The following GVQW3 variants were observed in gnomAD, a reference collection of about 807,000 sequenced individuals.
GVQW3 encodes the protein GVQW motif containing 3, also known as protein GVQW3.
GVQW3 carries 7 observed loss-of-function variants against 12.5 expected under a neutral mutation model. The observed-to-expected ratio is 0.56, with a 90% CI of 0.32 to 1.05. GVQW3 has a LOEUF of 1.05. Among genes scored for constraint, GVQW3 ranks in the 50% least tolerant of loss-of-function variants. GVQW3 has a pLI of 0.04. For missense variants in GVQW3, 188 were observed against 190.8 expected, an observed-to-expected ratio of 0.99 and a Z score of 0.09; for synonymous variants, 71 against 67.2, an observed-to-expected ratio of 1.06 and a Z score of -0.28.
Position 76,403,736 on chromosome 11 carries a change from A to C in GVQW3, c.542A>C (p.Lys181Thr), listed in dbSNP as rs1947012330. The change falls in exon 2 of 2, where the codon AAA becomes ACA. Residue 181 changes from lysine to threonine, a missense_variant. Coordinates refer to ENST00000529331, the MANE Select transcript of GVQW3 (RefSeq NM_001347885.2). Reference protein sequence around the residue: ...SQGILPPWPPKALGLSA With the variant: ...SQGILPPWPPTALGLSA ...GGGATCCTCCCACCTTGGCCTCCCA[A>C]AGCTCTGGGATTATCAGCATGAGCC... The C allele has an allele frequency of 4.0e-6, 2 of 495,124 alleles. No homozygotes were observed. The highest frequency in any genetic ancestry group is 7.3e-6 in the Non-Finnish European group (2 of 274,274). 30.7% of individuals were successfully genotyped at this position (495,124 alleles called of 1,614,324 possible).
At chr11:76,408,899 A>G (rs967235450), downstream of GVQW3, among the ~76,000 whole-genome samples, 1 of 152,206 alleles carries the variant, frequency 6.6e-6, no homozygotes. Flanking sequence ...GAGAAGCTCA[A>G]GATTGGAAGG....
chr11:76,413,463 C>T (rs1200453737), exon 2 of GVQW3: 1 of 152,202 alleles, frequency 6.6e-6, no homozygotes, highest in African/African-American at 2.4e-5. Context: ...TGGCCCTGGG[C>T]AGATCATTCC....
intron 1 of GVQW3, among the ~76,000 whole-genome samples, chr11:76,401,771 C>CT (rs1946991326): frequency 1.1e-5 from 1 of 92,072 alleles, no homozygotes; most frequent in Admixed American, 1.4e-4. Context: ...GAAACTCTGT[C>CT]TCAAAAAAAA....
downstream of GVQW3, chr11:76,412,412 G>T: frequency 6.6e-6 from 1 of 152,328 alleles, no homozygotes. Context: ...GAACGAGGCA[G>T]GGCACTCCAG....
intron 1 of GVQW3, chr11:76,383,780 A>ACCCC (rs1946803826): frequency 1.5e-4 from 16 of 107,948 alleles, no homozygotes; most frequent in Non-Finnish European, 2.9e-4. Context: ...TCTGTCCCAA[A>ACCCC]AAAAAAAAAA....
rs915848795 is a variant in GVQW3, at chr11:76,391,388, G to A, written c.465+9095G>A. ...AAACGGCTGTTTCTCTTAAAGAAAA[G>A]ATGTGTGCCCTATGTCCTGGGCCAA... On this transcript the variant is annotated intron_variant, in intron 1 of 1. Transcript: ENST00000529331. Among the ~76,000 whole-genome samples, 4 of 152,340 alleles carry A rather than the reference G, an allele frequency of 2.6e-5. No individual in the cohort carries two copies. The East Asian group carries it at 7.7e-4, about 29-fold the overall frequency.
exon 2 of GVQW3, chr11:76,413,715 C>T (rs1363197383): frequency 2.6e-5 from 4 of 152,216 alleles, no homozygotes; most frequent in African/African-American, 9.7e-5. Flanking sequence ...GTGAGCCCAC[C>T]TAAATTATGA....
intron 1 of GVQW3, 32 bp downstream of exon 1, chr11:76,382,325 A>T: frequency 7.3e-7 from 1 of 1,361,368 alleles, no homozygotes; most frequent in Non-Finnish European, 1.0e-6. Context: ...AGTTATCTCC[A>T]GGGTGAAGCT....
intron 1 of GVQW3, among the ~76,000 whole-genome samples, chr11:76,400,899 A>G (rs1946983286): frequency 6.6e-6 from 1 of 152,114 alleles, no homozygotes; most frequent in African/African-American, 2.4e-5. Flanking sequence ...TATGTAGGTT[A>G]ACTCATCTTT....
rs76642423 is a variant in GVQW3 at position 76,404,067 on chromosome 11, C to G, written c.*309C>G. The G allele has an allele frequency of 2.0e-6, 1 of 508,654 alleles. No individual in the cohort carries two copies. The highest frequency in any genetic ancestry group is 3.2e-5 in the East Asian group (1 of 31,374). The allele number at this position is 508,654 out of a possible 1,614,324, so 31.5% of individuals were successfully genotyped here. On this transcript the variant is annotated 3_prime_UTR_variant, in exon 2 of 2. Coordinates refer to ENST00000529331, the MANE Select transcript of GVQW3 (RefSeq NM_001347885.2). ...ATGTTTTCCCATCTATCTCAGTACC[C>G]CATGATCCAGTCAAGTGAACATATA...
downstream of GVQW3, among the ~76,000 whole-genome samples, chr11:76,409,998 T>A (rs1385763841): frequency 6.6e-6 from 1 of 152,192 alleles, no homozygotes; most frequent in Non-Finnish European, 1.5e-5. Flanking sequence ...GGCTCATGCC[T>A]GTAATTCCAG....
At chr11:76,410,911 T>C (rs1014825910), downstream of GVQW3, 1 of 152,248 alleles carries the variant, frequency 6.6e-6, no homozygotes, top group Non-Finnish European at 1.5e-5. Flanking sequence ...GTTCCTCATC[T>C]TTCATTGCTT....
intron 1 of GVQW3, among the ~76,000 whole-genome samples, chr11:76,397,956 T>A (rs1379189461): frequency 6.6e-6 from 1 of 151,872 alleles, no homozygotes; most frequent in Non-Finnish European, 1.5e-5. Flanking sequence ...GCCAACATGG[T>A]GAAACCCCAT....
chr11:76,397,630 C>T (rs561593618), intron 1 of GVQW3, among the ~76,000 whole-genome samples: 1 of 152,136 alleles, frequency 6.6e-6, no homozygotes, highest in East Asian at 1.9e-4. Context: ...TTCAAATTAC[C>T]AATGTGGCAT....
intron 1 of GVQW3, chr11:76,390,057 A>G (rs907833825): frequency 2.6e-5 from 4 of 152,246 alleles, no homozygotes; most frequent in Non-Finnish European, 4.4e-5. Context: ...ATGCCTATCC[A>G]TAGATGAAAT....
At chr11:76,393,953 C>T (rs777882065) in intron 1 of GVQW3, among the ~76,000 whole-genome samples, 47 of 152,072 alleles carry the variant, frequency 3.1e-4, no homozygotes, top group Non-Finnish European at 6.2e-4. Context: ...GGCTGGAGTG[C>T]AGTGGCACCA....
chr11:76,387,293 G>A (rs898781980), intron 1 of GVQW3, among the ~76,000 whole-genome samples: 11 of 151,932 alleles, frequency 7.2e-5, no homozygotes, highest in African/African-American at 2.2e-4. Flanking sequence ...AAAATTAGCC[G>A]GGCGTGGTGG....
chr11:76,387,079 T>C (rs1327594544), intron 1 of GVQW3, among the ~76,000 whole-genome samples: 1 of 152,174 alleles, frequency 6.6e-6, no homozygotes, highest in East Asian at 1.9e-4. Flanking sequence ...AAATGGATAC[T>C]AGAATTTGAA....
downstream of GVQW3, among the ~76,000 whole-genome samples, chr11:76,409,156 GTTTA>G (rs1301362775): frequency 2.0e-5 from 3 of 152,058 alleles, no homozygotes; most frequent in Non-Finnish European, 4.4e-5. Flanking sequence ...GCCTCCTGTT[GTTTA>G]TTTATTTATT....
Sources: allele counts gnomAD v4.1 joint callset (sites outside exome capture counted in the v4.1 genomes callset), GRCh38; gene constraint gnomAD v4.1.1; transcripts MANE v1.5; gene names NCBI Gene and HGNC (gene_info 2026-07-23, HGNC 2026-07-21).